Variants in LPP observed in about 807,000 individuals in gnomAD.
LPP encodes the protein lipoma-preferred partner.
LPP carries 38 observed loss-of-function variants against 60.4 expected under a neutral mutation model. The observed-to-expected ratio is 0.63, with a 90% CI of 0.49 to 0.83. The LOEUF (loss-of-function observed/expected upper bound fraction) is 0.83, where lower values mean the gene tolerates loss of function less well. LPP is among the 40% of genes least tolerant of loss of function. LPP has a pLI of 0.00. For missense variants in LPP, 902 were observed against 783.6 expected, an observed-to-expected ratio of 1.15 and a Z score of -1.80; for synonymous variants, 328 against 290.8, an observed-to-expected ratio of 1.13 and a Z score of -1.30.
intron 1 of LPP, among the ~76,000 whole-genome samples, chr3:188,196,444 T>G (rs1729569179): frequency 6.6e-6 from 1 of 152,120 alleles, no homozygotes; most frequent in Non-Finnish European, 1.5e-5. Context: ...GTCCTCAGTC[T>G]TACAGAGTCA....
At chr3:188,775,129 T>G (rs1325274174) in intron 9 of LPP, among the ~76,000 whole-genome samples, 2 of 151,326 alleles carry the variant, frequency 1.3e-5, no homozygotes, top group Non-Finnish European at 2.9e-5. Context: ...CTTGGCTCAC[T>G]GCAGCCTCCA....
chr3:188,417,112 T>C (rs188417170), intron 4 of LPP, among the ~76,000 whole-genome samples: 22 of 152,164 alleles, frequency 1.4e-4, no homozygotes, highest in African/African-American at 5.1e-4. Context: ...GTATAGGTCA[T>C]TGGGATGTGG....
At chr3:188,431,429 C>G (rs1007719468) in intron 4 of LPP, among the ~76,000 whole-genome samples, 1 of 152,020 alleles carries the variant, frequency 6.6e-6, no homozygotes, top group Non-Finnish European at 1.5e-5. Flanking sequence ...CCTAGGAGCA[C>G]GAGACAGAGT....
At chr3:188,222,986 G>A (rs1716366630) in intron 1 of LPP, among the ~76,000 whole-genome samples, 1 of 152,144 alleles carries the variant, frequency 6.6e-6, no homozygotes, top group Admixed American at 6.5e-5. Context: ...CCATTTATGG[G>A]CAACATGTGG....
At chr3:188,622,601 A>G (rs748274454) in intron 7 of LPP, among the ~76,000 whole-genome samples, 2 of 152,144 alleles carry the variant, frequency 1.3e-5, no homozygotes, top group East Asian at 1.9e-4. Flanking sequence ...CCTAGCATAT[A>G]TTTTCAGATG....
In LPP at chr3:188,609,510, G is replaced by A. The variant is rs1245381456; in HGVS notation, c.779G>A (p.Gly260Glu). 2.5e-6 allele frequency: 4 copies of A among 1,613,832 alleles called. No individual in the cohort carries two copies. The highest frequency in any genetic ancestry group is 1.7e-5 in the Admixed American group (1 of 59,974). The change falls in exon 7 of 12, where the codon GGG becomes GAG. Residue 260 changes from glycine (G) to glutamate (E), a missense_variant. Transcript: ENST00000617246. The surrounding 1 kb of genome is among the most constrained non-coding windows in gnomAD (Gnocchi z 6.9). ...AACACTCAGCCAGTTCCTGTCTCTG[G>A]GCAGTGTCCACCTCCTTCAACACGG... ...GYNTQPVPVS[G>E]QCPPPSTRGG...
At position 188,883,851 on chromosome 3, in the gene LPP, G is replaced by A. The variant is rs1011114588; in HGVS notation, c.*9372G>A. ...GCCGAAAACTCATTATTTCTAGTTAGTTCATCTGTGGAAAAGGATATCGTT... is the reference window on the plus strand; with the variant it reads ...GCCGAAAACTCATTATTTCTAGTTAATTCATCTGTGGAAAAGGATATCGTT... On this transcript the variant is annotated 3_prime_UTR_variant, in exon 12 of 12. Coordinates refer to ENST00000617246, the MANE Select transcript of LPP (RefSeq NM_001375462.1). 3 of 203,436 alleles carry A rather than the reference G, an allele frequency of 1.5e-5. No homozygotes were observed. The highest frequency in any genetic ancestry group is 6.9e-5 in the African/African-American group (3 of 43,628). 12.6% of individuals were successfully genotyped at this position (203,436 alleles called of 1,614,324 possible).
intron 4 of LPP, among the ~76,000 whole-genome samples, chr3:188,416,053 T>G (rs566856753): frequency 6.6e-6 from 1 of 152,162 alleles, no homozygotes; most frequent in South Asian, 2.1e-4. Context: ...CTGGGTAAAA[T>G]GTACATGGAA....
chr3:188,537,104 TC>T (rs1286933873), intron 6 of LPP, among the ~76,000 whole-genome samples: 1 of 152,222 alleles, frequency 6.6e-6, no homozygotes, highest in African/African-American at 2.4e-5. Context: ...GAGCTTTTTC[TC>T]CCATCATCTA....
chr3:188,730,606 T>A (rs1242657730), intron 8 of LPP, among the ~76,000 whole-genome samples: 1 of 152,226 alleles, frequency 6.6e-6, no homozygotes, highest in African/African-American at 2.4e-5. Flanking sequence ...ATTCTCAAAC[T>A]GGATCGACAT....
At position 188,833,063 on chromosome 3, in the gene LPP, A is replaced by C. The variant is rs143551533; in HGVS notation, c.1411-33137A>C. 3.5e-4 allele frequency among the ~76,000 whole-genome samples: 53 copies of C among 152,340 alleles called. 1 individual carries two copies. The highest frequency in any genetic ancestry group is 6.3e-4 in the Non-Finnish European group (43 of 68,038). ...TGCATGCTTGCTTCACAGAGTTGTG[A>C]CGATCAAGTAAGACAGCATCTATGA... On this transcript the variant is annotated intron_variant, in intron 9 of 11. Coordinates refer to ENST00000617246, the MANE Select transcript of LPP (RefSeq NM_001375462.1).
At chr3:188,256,202 A>G (rs1218512112) in intron 2 of LPP, among the ~76,000 whole-genome samples, 1 of 152,206 alleles carries the variant, frequency 6.6e-6, no homozygotes, top group African/African-American at 2.4e-5. Flanking sequence ...AGAACTTTCA[A>G]ATAGTTAAAC....
chr3:188,843,777 A>C (rs1234978995), intron 9 of LPP, among the ~76,000 whole-genome samples: 1 of 148,298 alleles, frequency 6.7e-6, no homozygotes, highest in Non-Finnish European at 1.5e-5. Context: ...ACAGAGCAAG[A>C]CTCCGTCTCA....
At chr3:188,675,440 C>T (rs1307183043) in intron 7 of LPP, among the ~76,000 whole-genome samples, 1 of 152,168 alleles carries the variant, frequency 6.6e-6, no homozygotes, top group Non-Finnish European at 1.5e-5. Context: ...AATGGTGGGG[C>T]TAAGACTGTG....
intron 2 of LPP, among the ~76,000 whole-genome samples, chr3:188,264,860 T>C (rs531418530): frequency 3.9e-5 from 6 of 152,248 alleles, no homozygotes; most frequent in Non-Finnish European, 8.8e-5. Context: ...TATAAGTAAG[T>C]AGCTGGAGAA....
chr3:188,728,271 C>T (rs550155101), intron 8 of LPP, among the ~76,000 whole-genome samples: 1 of 152,288 alleles, frequency 6.6e-6, no homozygotes, highest in African/African-American at 2.4e-5. Context: ...CTAGTCCAAT[C>T]TTACATCACA....
At chr3:188,431,451 T>G (rs1208767119) in intron 4 of LPP, among the ~76,000 whole-genome samples, 2 of 152,172 alleles carry the variant, frequency 1.3e-5, no homozygotes. Context: ...TAAAGAGCCA[T>G]GATTTTTAGC....
intron 2 of LPP, among the ~76,000 whole-genome samples, chr3:188,326,681 G>T (rs1758510186): frequency 6.6e-6 from 1 of 151,954 alleles, no homozygotes; most frequent in Non-Finnish European, 1.5e-5. Context: ...ATGAAACTGG[G>T]CCTTACTAAT....
intron 9 of LPP, among the ~76,000 whole-genome samples, chr3:188,861,020 T>A (rs1386754949): frequency 6.6e-6 from 1 of 152,214 alleles, no homozygotes; most frequent in African/African-American, 2.4e-5. Flanking sequence ...TATCTATACC[T>A]TAGTTTCTTG....
Sources: gnomAD v4.1 joint callset for allele counts (sites outside exome capture counted in the v4.1 genomes callset) on GRCh38, gnomAD v4.1.1 for gene constraint, Gnocchi (gnomAD v3.1) non-coding constraint, MANE v1.5 for transcripts, NCBI Gene and HGNC (gene_info 2026-07-23, HGNC 2026-07-21) for gene names.